Variants in ESR1 observed in about 807,000 individuals in gnomAD.
ESR1 encodes estrogen receptor.
In ESR1, 12 loss-of-function variants were observed where a neutral mutation model predicts 52.7. That is an observed-to-expected ratio of 0.23 (90% CI 0.15 to 0.37). The LOEUF (loss-of-function observed/expected upper bound fraction) is 0.37, where lower values mean the gene tolerates loss of function less well. Among genes scored for constraint, ESR1 ranks in the 10% least tolerant of loss-of-function variants. The pLI is 1.00. For synonymous variants in ESR1, 305 were observed against 316.8 expected, an observed-to-expected ratio of 0.96 and a Z score of 0.39; for missense variants, 584 against 779.7, an observed-to-expected ratio of 0.75 and a Z score of 2.99.
intron 2 of ESR1, among the ~76,000 whole-genome samples, chr6:151,788,233 G>A (rs890237655): frequency 2.6e-5 from 4 of 152,072 alleles, no homozygotes; most frequent in African/African-American, 9.7e-5. Flanking sequence ...CTACTATCCA[G>A]CATCTATAAG....
At chr6:152,016,292 CT>C (rs1167202740) in intron 5 of ESR1, among the ~76,000 whole-genome samples, 1 of 151,866 alleles carries the variant, frequency 6.6e-6, no homozygotes, top group Non-Finnish European at 1.5e-5. Flanking sequence ...TGAGAACAAA[CT>C]AATACATTAG....
At chr6:151,975,386 A>G (rs886205475) in intron 4 of ESR1, among the ~76,000 whole-genome samples, 5 of 151,914 alleles carry the variant, frequency 3.3e-5, no homozygotes, top group Non-Finnish European at 1.5e-5. Context: ...ATAAAAGTCT[A>G]TATCAATTTG....
intron 3 of ESR1, among the ~76,000 whole-genome samples, chr6:151,897,335 G>A (rs1034829521): frequency 1.3e-5 from 2 of 152,158 alleles, no homozygotes; most frequent in African/African-American, 4.8e-5. Flanking sequence ...AGGTGTAGTA[G>A]TAATTGTTCT....
intron 3 of ESR1, among the ~76,000 whole-genome samples, chr6:151,888,357 C>A (rs933431757): frequency 1.3e-5 from 2 of 152,044 alleles, no homozygotes; most frequent in African/African-American, 2.4e-5. Context: ...ATGTCTATAG[C>A]TTTTAGCATA....
chr6:151,721,531 A>G (rs186919033), intron 2 of ESR1, among the ~76,000 whole-genome samples: 3 of 152,336 alleles, frequency 2.0e-5, no homozygotes, highest in South Asian at 2.1e-4. Context: ...TTAAAATTAG[A>G]AAAAGAAATT....
intron 2 of ESR1, among the ~76,000 whole-genome samples, chr6:151,726,582 C>A (rs142709535): frequency 0.016 from 2,371 of 152,266 alleles, 73 homozygotes; most frequent in African/African-American, 0.055. Flanking sequence ...GTGATCCAAC[C>A]GCCTCGGCCT....
intron 2 of ESR1, among the ~76,000 whole-genome samples, chr6:151,768,656 A>G (rs1467926441): frequency 6.6e-6 from 1 of 152,152 alleles, no homozygotes; most frequent in East Asian, 1.9e-4. Flanking sequence ...ACTCTCAAAC[A>G]TCTCAGAAAA....
chr6:152,072,012 C>T (rs1391920404), intron 6 of ESR1, among the ~76,000 whole-genome samples: 1 of 152,188 alleles, frequency 6.6e-6, no homozygotes, highest in Non-Finnish European at 1.5e-5. Flanking sequence ...AAAGCATTCA[C>T]ATGAATGTAA....
At chr6:151,968,166 G>A (rs1207711572) in intron 4 of ESR1, among the ~76,000 whole-genome samples, 1 of 152,066 alleles carries the variant, frequency 6.6e-6, no homozygotes, top group South Asian at 2.1e-4. Flanking sequence ...AACAAGAAAT[G>A]GGGAAAGGAT....
At chr6:151,906,992 C>T (rs1015227041) in intron 3 of ESR1, among the ~76,000 whole-genome samples, 3 of 151,682 alleles carry the variant, frequency 2.0e-5, no homozygotes, top group African/African-American at 7.3e-5. Context: ...TGTCCCAGAG[C>T]AATTAAGCAA....
At chr6:151,743,914 C>T (rs1783290433) in intron 2 of ESR1, among the ~76,000 whole-genome samples, 1 of 152,110 alleles carries the variant, frequency 6.6e-6, no homozygotes. Context: ...TAGTCACTTC[C>T]CATTTCCCCG....
intron 6 of ESR1, among the ~76,000 whole-genome samples, chr6:152,111,429 G>A (rs1311107056): frequency 6.6e-6 from 1 of 152,206 alleles, no homozygotes; most frequent in Non-Finnish European, 1.5e-5. Context: ...AGCCCTCCGA[G>A]CGACTTCCCA....
chr6:151,885,318 G>A (rs1245952783), intron 3 of ESR1, among the ~76,000 whole-genome samples: 1 of 152,114 alleles, frequency 6.6e-6, no homozygotes, highest in African/African-American at 2.4e-5. Flanking sequence ...AATATTGAAT[G>A]ATCAGAATGG....
At chr6:151,878,978 G>C (rs1011263299) in intron 2 of ESR1, among the ~76,000 whole-genome samples, 1 of 152,150 alleles carries the variant, frequency 6.6e-6, no homozygotes, top group Non-Finnish European at 1.5e-5. Flanking sequence ...GTTGTGTTGG[G>C]AGCGTACATT....
chr6:151,669,173 A>AG (rs1458352214), intron 1 of ESR1, among the ~76,000 whole-genome samples: 37 of 122,702 alleles, frequency 3.0e-4, no homozygotes, highest in East Asian at 1.3e-3. Context: ...AGAGAGAGAG[A>AG]GAGAGAGAGA....
At chr6:151,961,467 G>A (rs970147310) in intron 4 of ESR1, among the ~76,000 whole-genome samples, 4 of 152,116 alleles carry the variant, frequency 2.6e-5, no homozygotes, top group African/African-American at 7.2e-5. Context: ...AAAATGGGAG[G>A]GAAGGGATTA....
intron 2 of ESR1, among the ~76,000 whole-genome samples, chr6:151,763,497 A>T (rs999540498): frequency 2.6e-5 from 4 of 152,146 alleles, no homozygotes; most frequent in African/African-American, 9.7e-5. Context: ...ATGTGCGTAC[A>T]TATGTGCGTC....
At chr6:152,108,105 A>G (rs750477640), downstream of ESR1, among the ~76,000 whole-genome samples, 1 of 152,176 alleles carries the variant, frequency 6.6e-6, no homozygotes, top group Non-Finnish European at 1.5e-5. Flanking sequence ...ATGGTCAGAC[A>G]GGAGTCAGGG....
intron 2 of ESR1, among the ~76,000 whole-genome samples, chr6:151,765,839 C>A (rs1785008353): frequency 6.6e-6 from 1 of 152,146 alleles, no homozygotes; most frequent in African/African-American, 2.4e-5. Flanking sequence ...TTACTCATTC[C>A]TCAGTTCAAG....
Sources: allele counts gnomAD v4.1 joint callset (sites outside exome capture counted in the v4.1 genomes callset), GRCh38; gene constraint gnomAD v4.1.1; transcripts MANE v1.5; gene names NCBI Gene and HGNC (gene_info 2026-07-23, HGNC 2026-07-21).